CALN1: variants seen among roughly 807,000 people sequenced by gnomAD.
CALN1 encodes calneuron 1.
Under a neutral mutation model 30.6 loss-of-function variants are expected in CALN1, and 17 were observed. That is an observed-to-expected ratio of 0.56 (90% CI 0.38 to 0.83). The LOEUF (loss-of-function observed/expected upper bound fraction) is 0.83. CALN1 is among the 40% of genes least tolerant of loss of function. The pLI is 0.00. For synonymous variants in CALN1, 156 were observed against 131.4 expected (o/e 1.19, Z -1.28); for missense variants, 291 against 354.9 (o/e 0.82, Z 1.45).
chr7:72,322,862 T>C (rs1285071277), intron 2 of CALN1, among the ~76,000 whole-genome samples: 1 of 152,032 alleles, frequency 6.6e-6, no homozygotes, highest in Non-Finnish European at 1.5e-5. Context: ...ATACCCCACT[T>C]ACCCTGACAT....
chr7:72,123,252 G>A (rs1048394520), intron 3 of CALN1, among the ~76,000 whole-genome samples: 1 of 152,190 alleles, frequency 6.6e-6, no homozygotes, highest in Non-Finnish European at 1.5e-5. Context: ...GAAGTGAGCA[G>A]AAAACTTTTT....
chr7:72,175,601 A>T (rs1308691977), intron 3 of CALN1, among the ~76,000 whole-genome samples: 2 of 152,164 alleles, frequency 1.3e-5, no homozygotes, highest in Non-Finnish European at 2.9e-5. Context: ...AACCAGGAAG[A>T]ATAATCCACT....
At chr7:72,366,615 T>A (rs376521462) in intron 2 of CALN1, among the ~76,000 whole-genome samples, 1 of 152,080 alleles carries the variant, frequency 6.6e-6, no homozygotes, top group Non-Finnish European at 1.5e-5. Context: ...TAATATGTAG[T>A]TTTTTAGCCC....
chr7:71,826,056 AAAAGGC>A (rs1402077454), intron 5 of CALN1, among the ~76,000 whole-genome samples: 1 of 150,562 alleles, frequency 6.6e-6, no homozygotes, highest in Non-Finnish European at 1.5e-5. Context: ...AAAAAAAAAA[AAAAGGC>A]AGAAAACAAC....
intron 1 of CALN1, among the ~76,000 whole-genome samples, chr7:72,423,925 AAAAGAAAGAAGAG>A (rs1355560941): frequency 7.1e-6 from 1 of 140,064 alleles, no homozygotes; most frequent in Admixed American, 7.1e-5. Context: ...CAGAAAGAGA[AAAAGAAAGAAGAG>A]AAAGAAAGAA....
At position 72,341,555 on chromosome 7, in the gene CALN1, C is replaced by T. The variant is rs1038457402; in HGVS notation, c.119+61696G>A. Among the ~76,000 whole-genome samples the T allele has an allele frequency of 6.0e-5, 9 of 150,626 alleles. No individual in the cohort carries two copies. The South Asian group carries it at 1.9e-3, about 32-fold the overall frequency. Reference sequence around the variant, plus strand: ...AAAAAAACAGACAAACAAACAAATGCCTTGGTAAGTGTAGAGATACACACA... The same window carrying T: ...AAAAAAACAGACAAACAAACAAATGTCTTGGTAAGTGTAGAGATACACACA... On this transcript the variant is annotated intron_variant, in intron 2 of 6. Transcript: ENST00000395275.
At chr7:72,115,680 G>A (rs1807934348) in intron 3 of CALN1, among the ~76,000 whole-genome samples, 1 of 151,548 alleles carries the variant, frequency 6.6e-6, no homozygotes, top group African/African-American at 2.4e-5. Flanking sequence ...GTAGAGCCGG[G>A]TTTCGCCACG....
At chr7:72,007,186 C>A (rs1330548609) in intron 5 of CALN1, among the ~76,000 whole-genome samples, 5 of 152,212 alleles carry the variant, frequency 3.3e-5, no homozygotes, top group Admixed American at 2.0e-4. Flanking sequence ...ACGTGACTGA[C>A]TTCCACCAGC....
At chr7:72,177,295 G>A (rs1789424893) in intron 3 of CALN1, among the ~76,000 whole-genome samples, 1 of 152,162 alleles carries the variant, frequency 6.6e-6, no homozygotes, top group Non-Finnish European at 1.5e-5. Context: ...GGAGGAGACA[G>A]ATTTAAGGAA....
chr7:72,113,913 A>G (rs1807753982), intron 3 of CALN1, among the ~76,000 whole-genome samples: 1 of 152,154 alleles, frequency 6.6e-6, no homozygotes, highest in Non-Finnish European at 1.5e-5. Context: ...TGGAATGACA[A>G]GAGATAAGAG....
At chr7:72,281,939 G>GA (rs1045722923) in intron 2 of CALN1, among the ~76,000 whole-genome samples, 21 of 150,160 alleles carry the variant, frequency 1.4e-4, no homozygotes, top group Admixed American at 2.7e-4. Context: ...ATTTGCTTCT[G>GA]AAAAAAAAAG....
intron 5 of CALN1, among the ~76,000 whole-genome samples, chr7:71,957,170 C>T (rs1797003971): frequency 6.6e-6 from 1 of 151,856 alleles, no homozygotes; most frequent in African/African-American, 2.4e-5. Context: ...ATCAAGCAGC[C>T]ACTCTCGGCT....
At chr7:72,312,262 G>T (rs897107701) in intron 2 of CALN1, among the ~76,000 whole-genome samples, 10 of 151,980 alleles carry the variant, frequency 6.6e-5, no homozygotes, top group Non-Finnish European at 1.3e-4. Context: ...GAATTAGCAG[G>T]GTGTGGTGGT....
chr7:72,246,387 G>A (rs1005475471), intron 3 of CALN1, among the ~76,000 whole-genome samples: 1 of 152,128 alleles, frequency 6.6e-6, no homozygotes, highest in Non-Finnish European at 1.5e-5. Context: ...GGGCTCTGCG[G>A]TCTAAGGGAC....
chr7:72,444,963 C>T (rs1434476201), intron 1 of CALN1, among the ~76,000 whole-genome samples: 6 of 151,688 alleles, frequency 4.0e-5, no homozygotes, highest in Admixed American at 1.3e-4. Flanking sequence ...GAAATGTCAA[C>T]GGAACACAGA....
intron 2 of CALN1, among the ~76,000 whole-genome samples, chr7:72,367,550 A>C (rs1196266253): frequency 2.0e-5 from 3 of 152,146 alleles, no homozygotes; most frequent in Non-Finnish European, 4.4e-5. Context: ...GCTTGGGCAC[A>C]GTATTTCAAG....
At chr7:72,203,897 A>G (rs761657587) in intron 3 of CALN1, among the ~76,000 whole-genome samples, 7 of 151,734 alleles carry the variant, frequency 4.6e-5, no homozygotes, top group Non-Finnish European at 8.8e-5. Context: ...CATTATCCCA[A>G]TTACTAAAGA....
At chr7:72,199,309 T>A (rs1377592030) in intron 3 of CALN1, among the ~76,000 whole-genome samples, 2 of 152,002 alleles carry the variant, frequency 1.3e-5, no homozygotes, top group East Asian at 3.9e-4. Flanking sequence ...AATCAATAAG[T>A]TCTAATGCCC....
chr7:72,431,087 AC>A (rs774495084), intron 1 of CALN1, among the ~76,000 whole-genome samples: 27 of 148,894 alleles, frequency 1.8e-4, no homozygotes, highest in Non-Finnish European at 3.3e-4. Context: ...GTGCCACCAC[AC>A]CCGGCTAATT....
Sources: gnomAD v4.1 joint callset for allele counts (sites outside exome capture counted in the v4.1 genomes callset) on GRCh38, gnomAD v4.1.1 for gene constraint, MANE v1.5 for transcripts, NCBI Gene and HGNC (gene_info 2026-07-23, HGNC 2026-07-21) for gene names.